Variants in NTRK3 observed in about 807,000 individuals in gnomAD.
NTRK3 encodes NT-3 growth factor receptor.
A neutral mutation model predicts 91.7 loss-of-function variants in NTRK3; 24 were observed. The ratio of observed to expected loss-of-function variants is 0.26; its 90% confidence interval spans 0.19 to 0.37. NTRK3 has a LOEUF of 0.37. Among genes scored for constraint, NTRK3 ranks in the 10% least tolerant of loss-of-function variants. The pLI is 1.00. For synonymous variants in NTRK3, 483 were observed against 404.0 expected (o/e 1.20, Z -2.34); for missense variants, 880 against 1,068.9 (o/e 0.82, Z 2.46).
chr15:88,110,310 C>T (rs2051195413), intron 13 of NTRK3, among the ~76,000 whole-genome samples: 1 of 152,182 alleles, frequency 6.6e-6, no homozygotes, highest in Admixed American at 6.5e-5. Context: ...TAGCGTCTTC[C>T]TGTCTGCAGG....
At chr15:87,895,921 C>A (rs778191614) in intron 17 of NTRK3, among the ~76,000 whole-genome samples, 2 of 151,874 alleles carry the variant, frequency 1.3e-5, no homozygotes, top group Non-Finnish European at 2.9e-5. Flanking sequence ...TAAATTCAAC[C>A]AATTGTCAAC....
At chr15:87,990,722 G>T (rs187817939) in intron 14 of NTRK3, among the ~76,000 whole-genome samples, 1 of 152,012 alleles carries the variant, frequency 6.6e-6, no homozygotes, top group Non-Finnish European at 1.5e-5. Flanking sequence ...TTCTGCCTTT[G>T]CTGTTATATT....
chr15:88,210,868 A>G (rs969373648), intron 3 of NTRK3, among the ~76,000 whole-genome samples: 3 of 152,174 alleles, frequency 2.0e-5, no homozygotes, highest in African/African-American at 7.2e-5. Flanking sequence ...CAGCTTTGGG[A>G]GAGACAAACA....
chr15:88,033,207 T>G (rs2078743697), intron 13 of NTRK3, among the ~76,000 whole-genome samples, 162 bp from the exon 14 acceptor site: 1 of 127,958 alleles, frequency 7.8e-6, no homozygotes, highest in South Asian at 2.5e-4. Flanking sequence ...TATATATATA[T>G]ATATATATAA....
At chr15:88,220,111 T>C (rs191232336) in intron 3 of NTRK3, among the ~76,000 whole-genome samples, 1 of 152,154 alleles carries the variant, frequency 6.6e-6, no homozygotes, top group Non-Finnish European at 1.5e-5. Flanking sequence ...GACTAAAATA[T>C]AATAAGATAA....
At chr15:88,073,614 A>AAG (rs777788939) in intron 13 of NTRK3, among the ~76,000 whole-genome samples, 37 of 152,172 alleles carry the variant, frequency 2.4e-4, no homozygotes, top group Admixed American at 3.9e-4. Context: ...AGCCACCCTT[A>AAG]GGCTGCCCAG....
exon 17 of NTRK3, chr15:87,929,427 C>T (rs2141916493): frequency 6.2e-7 from 1 of 1,613,954 alleles, no homozygotes; most frequent in Non-Finnish European, 8.5e-7. Flanking sequence ...GCATCTGGCC[C>T]ATGGGCCCTG....
intron 17 of NTRK3, among the ~76,000 whole-genome samples, chr15:87,900,704 T>C (rs1215870474): frequency 6.6e-6 from 1 of 150,842 alleles, no homozygotes; most frequent in African/African-American, 2.4e-5. Context: ...TGTGTGTGTG[T>C]GTGTGTGTGT....
intron 12 of NTRK3, 61 bp from the exon 13 acceptor site, chr15:88,126,434 A>G: frequency 8.8e-7 from 1 of 1,140,950 alleles, no homozygotes; most frequent in Admixed American, 1.8e-5. Context: ...TTCCTTGAAA[A>G]TAATGTGTGT....
chr15:87,979,271 C>T, intron 14 of NTRK3: 2 of 1,081,996 alleles, frequency 1.8e-6, no homozygotes, highest in Non-Finnish European at 2.9e-6. Flanking sequence ...GAGAACAATG[C>T]CTAGAGCTTC....
chr15:88,166,414 G>A (rs191598579), intron 5 of NTRK3, among the ~76,000 whole-genome samples: 30 of 152,204 alleles, frequency 2.0e-4, no homozygotes, highest in African/African-American at 5.8e-4. Flanking sequence ...TTCGCTTAAG[G>A]ACATAGGTCA....
intron 3 of NTRK3, among the ~76,000 whole-genome samples, chr15:88,227,951 A>C (rs1053590752): frequency 2.0e-5 from 3 of 151,960 alleles, no homozygotes; most frequent in Non-Finnish European, 4.4e-5. Context: ...CTTCATGTTC[A>C]CTGGCATCCT....
chr15:87,930,776 G>A (rs186390349), intron 16 of NTRK3, among the ~76,000 whole-genome samples: 132 of 152,316 alleles, frequency 8.7e-4, no homozygotes, highest in Admixed American at 3.7e-3. Context: ...TAGGAAGACA[G>A]ATTAATGGAA....
intron 14 of NTRK3, among the ~76,000 whole-genome samples, chr15:87,980,856 A>G (rs747139802): frequency 4.6e-5 from 7 of 152,086 alleles, no homozygotes; most frequent in Non-Finnish European, 8.8e-5. Flanking sequence ...TCAAGGTGAG[A>G]CATTTCTGAG....
At chr15:88,121,407 T>C (rs2151064769) in intron 13 of NTRK3, among the ~76,000 whole-genome samples, 1 of 152,314 alleles carries the variant, frequency 6.6e-6, no homozygotes, top group South Asian at 2.1e-4. Flanking sequence ...GTCACTTCCT[T>C]GTCTGGGCCT....
In NTRK3 at chr15:88,032,850, T is replaced by A. The variant is rs1321796482; in HGVS notation, c.1585+7A>T. On this transcript the variant is annotated splice_region_variant and intron_variant, in intron 14 of 18. Coordinates refer to ENST00000394480, the Ensembl canonical transcript of NTRK3. ...CAGGAGGGAGAGCATTCCATCCCAG[T>A]ACTTACACGTGTCCGGCTTGTGGCA... 5.0e-6 allele frequency: 8 copies of A among 1,613,504 alleles called. No individual in the cohort carries two copies. The highest frequency in any genetic ancestry group is 6.8e-6 in the Non-Finnish European group (8 of 1,179,788).
intron 14 of NTRK3, among the ~76,000 whole-genome samples, chr15:88,023,569 C>T (rs2077765720): frequency 6.6e-6 from 1 of 152,154 alleles, no homozygotes; most frequent in African/African-American, 2.4e-5. Flanking sequence ...TTATGGTTCC[C>T]CTAGAGTGGA....
At chr15:88,174,772 C>T (rs2045842824) in intron 5 of NTRK3, among the ~76,000 whole-genome samples, 1 of 152,234 alleles carries the variant, frequency 6.6e-6, no homozygotes, top group Non-Finnish European at 1.5e-5. Flanking sequence ...CATAAGGCTG[C>T]CCAGCCATTC....
At chr15:87,987,037 A>C (rs562348053) in intron 14 of NTRK3, among the ~76,000 whole-genome samples, 1 of 152,268 alleles carries the variant, frequency 6.6e-6, no homozygotes, top group African/African-American at 2.4e-5. Flanking sequence ...AGTGCAGGCA[A>C]GTGGACAAGC....
Sources: allele counts gnomAD v4.1 joint callset (sites outside exome capture counted in the v4.1 genomes callset), GRCh38; gene constraint gnomAD v4.1.1; transcripts MANE v1.5; gene names NCBI Gene and HGNC (gene_info 2026-07-23, HGNC 2026-07-21).